Variants in ELOVL7 observed in about 807,000 individuals in gnomAD.
ELOVL7 encodes very long chain fatty acid elongase 7.
Under a neutral mutation model 35.7 loss-of-function variants are expected in ELOVL7, and 27 were observed. That is an observed-to-expected ratio of 0.76 (90% CI 0.56 to 1.04). The LOEUF is 1.04. ELOVL7 is among the 50% of genes least tolerant of loss of function. The pLI is 0.00. For missense variants in ELOVL7, 327 were observed against 340.8 expected (o/e 0.96, Z 0.32); for synonymous variants, 113 against 114.6 (o/e 0.99, Z 0.09).
intron 1 of ELOVL7, among the ~76,000 whole-genome samples, chr5:60,811,334 G>A (rs949639131): frequency 1.1e-4 from 16 of 152,104 alleles, no homozygotes; most frequent in Admixed American, 4.6e-4. Flanking sequence ...TTAGCATACT[G>A]GGCATTCTAA....
intron 3 of ELOVL7, chr5:60,785,870 T>A (rs997858207): frequency 6.6e-6 from 1 of 152,224 alleles, no homozygotes; most frequent in African/African-American, 2.4e-5. Context: ...GGAACACTTT[T>A]AGTGAGATAA....
intron 1 of ELOVL7, among the ~76,000 whole-genome samples, chr5:60,824,577 C>T (rs1746066116): frequency 6.6e-6 from 1 of 152,180 alleles, no homozygotes; most frequent in Non-Finnish European, 1.5e-5. Flanking sequence ...CTGGCCAGTC[C>T]ACCCAGATCT....
At chr5:60,802,061 CATAT>C (rs59849955) in intron 1 of ELOVL7, among the ~76,000 whole-genome samples, 189 of 77,068 alleles carry the variant, frequency 2.5e-3, no homozygotes, top group Non-Finnish European at 3.4e-3. Context: ...AATAAACTCT[CATAT>C]ATATATATAT....
At chr5:60,815,620 T>C (rs1206178260) in intron 1 of ELOVL7, among the ~76,000 whole-genome samples, 1 of 151,740 alleles carries the variant, frequency 6.6e-6, no homozygotes, top group African/African-American at 2.4e-5. Flanking sequence ...CAGGCTGGAA[T>C]GCAATGGCAC....
intron 6 of ELOVL7, among the ~76,000 whole-genome samples, chr5:60,765,353 C>T (rs1475405043): frequency 6.6e-6 from 1 of 152,170 alleles, no homozygotes; most frequent in African/African-American, 2.4e-5. Flanking sequence ...AGGTTCTGGA[C>T]TAATGCTTCT....
intron 1 of ELOVL7, among the ~76,000 whole-genome samples, chr5:60,842,970 AC>A (rs1344790803): frequency 1.3e-5 from 2 of 152,074 alleles, no homozygotes; most frequent in Non-Finnish European, 1.5e-5. Context: ...GATCAGTAGT[AC>A]GAAGAGAAAC....
In ELOVL7 at chr5:60,822,701, C is replaced by T. The variant is rs370892464; in HGVS notation, c.-86+21459G>A. Among the ~76,000 whole-genome samples the T allele has an allele frequency of 5.9e-5, 9 of 152,092 alleles. No homozygotes were observed. The East Asian group carries it at 7.7e-4, about 13-fold the overall frequency. ...AGAACAATAGTGGTCTAAAGACAAA[C>T]GCCTGGAGAATACCATCACTTAAGG... On this transcript the variant is annotated intron_variant, in intron 1 of 8. Coordinates refer to ENST00000508821, the MANE Select transcript of ELOVL7 (RefSeq NM_024930.3).
intron 1 of ELOVL7, among the ~76,000 whole-genome samples, chr5:60,838,892 G>A (rs1002787092): frequency 2.0e-5 from 3 of 151,878 alleles, no homozygotes; most frequent in African/African-American, 7.3e-5. Flanking sequence ...TCTTGGTGGT[G>A]AGTGTCTGTA....
At chr5:60,820,989 G>C (rs1745851309) in intron 1 of ELOVL7, among the ~76,000 whole-genome samples, 1 of 152,054 alleles carries the variant, frequency 6.6e-6, no homozygotes, top group South Asian at 2.1e-4. Context: ...GTATGCTGTA[G>C]CTTTAAGCCC....
intron 1 of ELOVL7, among the ~76,000 whole-genome samples, chr5:60,837,321 G>GGGGGGGGGGGGGGGGGGGGGC (rs1746876174): frequency 8.3e-6 from 1 of 120,688 alleles, no homozygotes; most frequent in Non-Finnish European, 1.8e-5. Context: ...GGGGTGGGGG[G>GGGGGGGGGGGGGGGGGGGGGC]GGAGTGGGGG....
chr5:60,753,391 T>C lies in ELOVL7; in HGVS notation c.*1233A>G, dbSNP rs1221990807. The C allele has an allele frequency of 6.6e-6, 1 of 152,210 alleles. No homozygotes were observed. The highest frequency in any genetic ancestry group is 1.5e-5 in the Non-Finnish European group (1 of 68,032). 9.4% of individuals were successfully genotyped at this position (152,210 alleles called of 1,614,324 possible). A position where few individuals can be genotyped will look rare whatever the true frequency, so the allele number is the denominator to read the frequency against. ...TTTCAGTCCTTCATTACATGGTTTA[T>C]AGGTCTGGAAACAGAAATCCAGGTT... On this transcript the variant is annotated 3_prime_UTR_variant, in exon 9 of 9. Coordinates refer to ENST00000508821, the MANE Select transcript of ELOVL7 (RefSeq NM_024930.3).
intron 1 of ELOVL7, among the ~76,000 whole-genome samples, chr5:60,827,965 C>T (rs1165419327): frequency 1.3e-5 from 2 of 151,620 alleles, no homozygotes; most frequent in African/African-American, 4.9e-5. Flanking sequence ...AGGCACACCC[C>T]CATCTAGGCT....
chr5:60,805,647 A>G (rs1433042510), intron 1 of ELOVL7, among the ~76,000 whole-genome samples: 1 of 152,184 alleles, frequency 6.6e-6, no homozygotes, highest in African/African-American at 2.4e-5. Context: ...GATCCAGCAT[A>G]AGCCAGTATT....
intron 3 of ELOVL7, 26 bp downstream of exon 3, chr5:60,787,308 C>G (rs1211798461): frequency 1.3e-6 from 2 of 1,562,382 alleles, no homozygotes; most frequent in Admixed American, 1.9e-5. Flanking sequence ...AAGGATGAAC[C>G]TCAATTAGGA....
chr5:60,766,494 T>C lies in ELOVL7; in HGVS notation c.393+80A>G, dbSNP rs998128977. On this transcript the variant is annotated intron_variant, in intron 6 of 8. Coordinates refer to ENST00000508821, the MANE Select transcript of ELOVL7 (RefSeq NM_024930.3). The stretch of plus-strand genomic sequence containing the variant: ...GACAACTGAAACTACAGCAGTTTAT[T>C]GGTTTCACTGAAAGATCAAACATTT... 14 of 1,232,908 alleles carry C rather than the reference T, an allele frequency of 1.1e-5. No homozygotes were observed. In the East Asian group the frequency reaches 3.4e-4, roughly 30 times the overall value. The allele number at this position is 1,232,908 out of a possible 1,614,324, so 76.4% of individuals were successfully genotyped here.
intron 1 of ELOVL7, among the ~76,000 whole-genome samples, chr5:60,816,698 T>C (rs1434043842): frequency 6.6e-6 from 1 of 152,162 alleles, no homozygotes; most frequent in East Asian, 1.9e-4. Context: ...ATTTAAGAAA[T>C]TAACCAGTAG....
At chr5:60,815,567 AATTT>A (rs1451450218) in intron 1 of ELOVL7, among the ~76,000 whole-genome samples, 2 of 149,112 alleles carry the variant, frequency 1.3e-5, no homozygotes, top group African/African-American at 2.5e-5. Flanking sequence ...AAATAAATAA[AATTT>A]ATTTATTTTT....
intron 3 of ELOVL7, among the ~76,000 whole-genome samples, chr5:60,772,807 T>C (rs6885787): frequency 0.27 from 41,751 of 152,026 alleles, 9,545 homozygotes; most frequent in African/African-American, 0.63. Context: ...GTGTCTATAG[T>C]CATTATTAAT....
rs58041305 is a variant in ELOVL7 at position 60,800,030 on chromosome 5, CAA to C, written c.-85-802_-85-801del. Among the ~76,000 whole-genome samples, 129 of 86,170 alleles carry C rather than the reference CAA, an allele frequency of 1.5e-3. 1 individual carries two copies. Among genetic ancestry groups the C allele is most frequent in the Middle Eastern group, 7.2e-3 (1 of 138 alleles). 56.5% of individuals were successfully genotyped at this position (86,170 alleles called of 152,430 possible). On this transcript the variant is annotated intron_variant, in intron 1 of 8. Transcript: ENST00000508821. ...CCAGCCTGGGCTCAAAACTCCATCT[CAA>C]AAAAAAAAAAAAAAAAAAAAAAGTA...
Sources: gnomAD v4.1 joint callset for allele counts (sites outside exome capture counted in the v4.1 genomes callset) on GRCh38, gnomAD v4.1.1 for gene constraint, MANE v1.5 for transcripts, NCBI Gene and HGNC (gene_info 2026-07-23, HGNC 2026-07-21) for gene names.